CTNNA3: variants seen among roughly 807,000 people sequenced by gnomAD.
CTNNA3 encodes the protein catenin alpha-3.
Under a neutral mutation model 95.7 loss-of-function variants are expected in CTNNA3, and 76 were observed. The ratio of observed to expected loss-of-function variants is 0.79; its 90% confidence interval spans 0.66 to 0.96. The LOEUF is 0.96. Ranked by LOEUF, CTNNA3 falls within the 40% of genes least tolerant of loss-of-function variation. CTNNA3 has a pLI of 0.00. For missense variants in CTNNA3, 1,191 were observed against 1,089.8 expected, an observed-to-expected ratio of 1.09 and a Z score of -1.31; for synonymous variants, 431 against 374.4, an observed-to-expected ratio of 1.15 and a Z score of -1.74.
chr10:67,460,107 T>C (rs1399803468), intron 5 of CTNNA3, among the ~76,000 whole-genome samples: 2 of 152,194 alleles, frequency 1.3e-5, no homozygotes, highest in Non-Finnish European at 2.9e-5. Context: ...CATACCAATA[T>C]TCTTTAAATA....
chr10:66,830,745 G>C (rs1842688311), intron 7 of CTNNA3, among the ~76,000 whole-genome samples: 1 of 152,074 alleles, frequency 6.6e-6, no homozygotes, highest in Non-Finnish European at 1.5e-5. Context: ...GAGTAGCTGG[G>C]ACTACAGGCG....
chr10:66,730,588 C>G (rs1033229878), intron 9 of CTNNA3, among the ~76,000 whole-genome samples: 1 of 152,252 alleles, frequency 6.6e-6, no homozygotes, highest in African/African-American at 2.4e-5. Flanking sequence ...ATACATTTTG[C>G]ACATGTACCC....
chr10:67,355,624 CA>C (rs58652160), intron 5 of CTNNA3, among the ~76,000 whole-genome samples: 58 of 135,584 alleles, frequency 4.3e-4, no homozygotes, highest in East Asian at 1.0e-3. Flanking sequence ...AGAAGTCAAG[CA>C]AAAAAAAAAA....
intron 5 of CTNNA3, among the ~76,000 whole-genome samples, chr10:67,222,604 G>A (rs1475310867): frequency 2.0e-5 from 3 of 152,144 alleles, no homozygotes; most frequent in Admixed American, 6.6e-5. Context: ...TTCCCACAAC[G>A]TTGTACAAGC....
intron 15 of CTNNA3, among the ~76,000 whole-genome samples, chr10:66,059,270 A>C (rs947372019): frequency 6.6e-6 from 1 of 152,136 alleles, no homozygotes; most frequent in African/African-American, 2.4e-5. Context: ...TCTTCAGAAC[A>C]TCATTCTCAT....
chr10:67,706,405 GA>G (rs899306582), intron 1 of CTNNA3, among the ~76,000 whole-genome samples: 239 of 149,446 alleles, frequency 1.6e-3, no homozygotes, highest in Admixed American at 2.5e-3. Context: ...AAAGAAGAAA[GA>G]AAAAAAAATC....
chr10:67,394,882 A>C (rs1564622491), intron 5 of CTNNA3, among the ~76,000 whole-genome samples: 2 of 152,160 alleles, frequency 1.3e-5, no homozygotes, highest in African/African-American at 4.8e-5. Context: ...TATCATAAGA[A>C]TATAAATCAA....
In CTNNA3 at chr10:66,467,934, T is replaced by C. The variant is rs149585150; in HGVS notation, c.1531+52683A>G. 4.8e-3 allele frequency among the ~76,000 whole-genome samples: 738 copies of C among 152,172 alleles called. 6 individuals are homozygous for C. The highest frequency in any genetic ancestry group is 0.017 in the African/African-American group (694 of 41,542). On this transcript the variant is annotated intron_variant, in intron 11 of 17. Transcript: ENST00000433211. ...TGTTAATGTACATATTTTCTTTTTTTTCCCCAACTAGAAAATTTAATAGTA... is the reference window on the plus strand; with the variant it reads ...TGTTAATGTACATATTTTCTTTTTTCTCCCCAACTAGAAAATTTAATAGTA...
chr10:66,224,484 A>C (rs2089157835), intron 13 of CTNNA3, among the ~76,000 whole-genome samples: 2 of 152,194 alleles, frequency 1.3e-5, no homozygotes, highest in Non-Finnish European at 2.9e-5. Context: ...AACAACGTGA[A>C]ATACAAGAAT....
chr10:66,521,883 G>A (rs1841079125), intron 10 of CTNNA3, among the ~76,000 whole-genome samples: 1 of 152,058 alleles, frequency 6.6e-6, no homozygotes, highest in South Asian at 2.1e-4. Flanking sequence ...TCAGGATCTT[G>A]GTCCCACTTA....
chr10:66,533,442 T>C (rs983479525), intron 10 of CTNNA3, among the ~76,000 whole-genome samples: 3 of 152,136 alleles, frequency 2.0e-5, no homozygotes, highest in African/African-American at 7.2e-5. Flanking sequence ...TATCTCAATA[T>C]CTCAAACTTT....
chr10:66,856,043 A>G (rs1843671251), intron 7 of CTNNA3, among the ~76,000 whole-genome samples: 1 of 151,934 alleles, frequency 6.6e-6, no homozygotes, highest in Non-Finnish European at 1.5e-5. Context: ...GATAATAAGC[A>G]TAGTACCAGA....
intron 14 of CTNNA3, among the ~76,000 whole-genome samples, chr10:66,086,823 G>T (rs2081003168): frequency 6.6e-6 from 1 of 152,084 alleles, no homozygotes. Flanking sequence ...GATGTGAGAG[G>T]TGTGCGCTAC....
intron 7 of CTNNA3, among the ~76,000 whole-genome samples, chr10:67,150,700 G>C (rs77109933): frequency 6.6e-6 from 1 of 152,116 alleles, no homozygotes; most frequent in Admixed American, 6.5e-5. Context: ...TACAAAACTT[G>C]TGAGAGTTTA....
At chr10:66,142,278 T>G (rs917109968) in intron 13 of CTNNA3, among the ~76,000 whole-genome samples, 17 of 152,142 alleles carry the variant, frequency 1.1e-4, no homozygotes, top group Non-Finnish European at 2.1e-4. Context: ...TTTTCACCAT[T>G]GTTTTGCCTT....
At chr10:67,538,230 T>C (rs1183765977) in intron 4 of CTNNA3, among the ~76,000 whole-genome samples, 1 of 100,494 alleles carries the variant, frequency 1.0e-5, no homozygotes, top group Non-Finnish European at 2.0e-5. Flanking sequence ...AAGAAAAAAA[T>C]GAAAGTACAC....
At chr10:66,209,497 A>C (rs545240192) in intron 13 of CTNNA3, among the ~76,000 whole-genome samples, 1 of 152,130 alleles carries the variant, frequency 6.6e-6, no homozygotes, top group Non-Finnish European at 1.5e-5. Context: ...ATACATCTGG[A>C]GTATGGAAAG....
intron 5 of CTNNA3, among the ~76,000 whole-genome samples, chr10:67,293,338 T>C (rs1839909424): frequency 6.6e-6 from 1 of 152,308 alleles, no homozygotes; most frequent in African/African-American, 2.4e-5. Context: ...TGTCAATTTC[T>C]ATTACAGGGC....
At chr10:66,465,602 A>G (rs924108385) in intron 11 of CTNNA3, among the ~76,000 whole-genome samples, 3 of 152,208 alleles carry the variant, frequency 2.0e-5, no homozygotes, top group Admixed American at 6.5e-5. Flanking sequence ...TTTACAGCCA[A>G]ATCTCATGTC....
Sources: allele counts gnomAD v4.1 joint callset (sites outside exome capture counted in the v4.1 genomes callset), GRCh38; gene constraint gnomAD v4.1.1; transcripts MANE v1.5; gene names NCBI Gene and HGNC (gene_info 2026-07-23, HGNC 2026-07-21).